Variants in ADCY1 observed in about 807,000 individuals in gnomAD.
The protein encoded by ADCY1 is adenylate cyclase 1.
A neutral mutation model predicts 105.4 loss-of-function variants in ADCY1; 28 were observed. That is an observed-to-expected ratio of 0.27 (90% CI 0.20 to 0.36). The LOEUF is 0.36. Ranked by LOEUF, ADCY1 falls within the 10% of genes least tolerant of loss-of-function variation. ADCY1 has a pLI of 1.00. For missense variants in ADCY1, 977 were observed against 1,434.2 expected (o/e 0.68, Z 5.15); for synonymous variants, 655 against 623.8 (o/e 1.05, Z -0.75).
At chr7:45,621,406 CA>C (rs1331698018) in intron 3 of ADCY1, among the ~76,000 whole-genome samples, 13 of 152,136 alleles carry the variant, frequency 8.5e-5, no homozygotes, top group Non-Finnish European at 1.5e-4. Flanking sequence ...GCACCTAGAG[CA>C]ATGCCAGCAC....
In ADCY1 at chr7:45,647,102, G is replaced by A. The variant is rs576051116; in HGVS notation, c.1021-1568G>A. 2.0e-5 allele frequency among the ~76,000 whole-genome samples: 3 copies of A among 152,340 alleles called. No homozygotes were observed. The highest frequency in any genetic ancestry group is 4.8e-5 in the African/African-American group (2 of 41,572). On this transcript the variant is annotated intron_variant, in intron 4 of 19. Coordinates refer to ENST00000297323, the MANE Select transcript of ADCY1 (RefSeq NM_021116.4). This position sits in a 1 kb window ranked among gnomAD's most constrained non-coding sequence, Gnocchi z 4.6. ...AGCGCCCCCTCCTCTGATGCTGGGC[G>A]GTGGCCAGGGCCATCTCTCAAGGTC...
Position 45,578,932 on chromosome 7 carries a change from T to G in ADCY1, c.639+3750T>G, listed in dbSNP as rs547084374. ...ATTGCAGTGTGCAAATTATATGCTTTCAATTTCGTTGCTTATCAATGTAAA... is the reference window on the plus strand; with the variant it reads ...ATTGCAGTGTGCAAATTATATGCTTGCAATTTCGTTGCTTATCAATGTAAA... On this transcript the variant is annotated intron_variant, in intron 1 of 19. Coordinates refer to ENST00000297323, the MANE Select transcript of ADCY1 (RefSeq NM_021116.4). Among the ~76,000 whole-genome samples the G allele has an allele frequency of 1.1e-4, 17 of 152,356 alleles. No individual in the cohort carries two copies. In the East Asian group the frequency reaches 1.9e-3, roughly 17 times the overall value.
intron 3 of ADCY1, among the ~76,000 whole-genome samples, chr7:45,611,775 A>G (rs1375652555): frequency 6.6e-6 from 1 of 152,136 alleles, no homozygotes; most frequent in Non-Finnish European, 1.5e-5. Flanking sequence ...AATGCTTTAC[A>G]TAAATATCAC....
chr7:45,588,004 T>C (rs1792782577), intron 1 of ADCY1, among the ~76,000 whole-genome samples: 1 of 152,254 alleles, frequency 6.6e-6, no homozygotes, highest in South Asian at 2.1e-4. Context: ...GTTTACCTTC[T>C]TGAAGGCGGA....
chr7:45,618,049 A>G (rs1793787859), intron 3 of ADCY1, among the ~76,000 whole-genome samples: 1 of 152,262 alleles, frequency 6.6e-6, no homozygotes, highest in Admixed American at 6.5e-5. Flanking sequence ...CCAATAGAAC[A>G]GAATAGAGAA....
intron 2 of ADCY1, among the ~76,000 whole-genome samples, chr7:45,605,171 A>G (rs924291963): frequency 6.6e-6 from 1 of 152,168 alleles, no homozygotes; most frequent in Non-Finnish European, 1.5e-5. Flanking sequence ...TTGATCTTGT[A>G]TCCTGTGACC....
chr7:45,580,863 C>T (rs750159088), intron 1 of ADCY1, among the ~76,000 whole-genome samples: 1 of 152,136 alleles, frequency 6.6e-6, no homozygotes, highest in Non-Finnish European at 1.5e-5. Context: ...GTCCGCTTGC[C>T]ACTGTCACCA....
chr7:45,705,891 T>C (rs1408282416), intron 17 of ADCY1, among the ~76,000 whole-genome samples: 1 of 152,202 alleles, frequency 6.6e-6, no homozygotes, highest in East Asian at 1.9e-4. Context: ...TAAAAGCTCA[T>C]CATTTTTCTG....
At chr7:45,699,478 AG>A (rs1264059841) in intron 14 of ADCY1, among the ~76,000 whole-genome samples, 2 of 152,160 alleles carry the variant, frequency 1.3e-5, no homozygotes, top group Non-Finnish European at 2.9e-5. Flanking sequence ...TTTAGGGGTA[AG>A]ATTACCTCTA....
chr7:45,664,267 A>T, intron 8 of ADCY1: 1 of 1,535,134 alleles, frequency 6.5e-7, no homozygotes, highest in Middle Eastern at 1.7e-4. Flanking sequence ...CGGACCCCAC[A>T]CATCTGATGC....
At chr7:45,653,633 C>T (rs1794867114) in intron 5 of ADCY1, among the ~76,000 whole-genome samples, 1 of 152,204 alleles carries the variant, frequency 6.6e-6, no homozygotes, top group Non-Finnish European at 1.5e-5. Context: ...TCAGATGAGG[C>T]CTGAACCCCT....
At position 45,669,055 on chromosome 7, in the gene ADCY1, A is replaced by G. The variant is rs547864948; in HGVS notation, c.1605+6841A>G. Among the ~76,000 whole-genome samples the G allele has an allele frequency of 2.6e-5, 4 of 151,960 alleles. No homozygotes were observed. The South Asian group carries it at 8.4e-4, about 32-fold the overall frequency. ...TATTAGTCTTGCTAGCGGTCTATCAATTTTGTTGATCTTTTCAAAAAAACA... is the reference window on the plus strand; with the variant it reads ...TATTAGTCTTGCTAGCGGTCTATCAGTTTTGTTGATCTTTTCAAAAAAACA... On this transcript the variant is annotated intron_variant, in intron 8 of 19. Coordinates refer to ENST00000297323, the MANE Select transcript of ADCY1 (RefSeq NM_021116.4).
intron 4 of ADCY1, among the ~76,000 whole-genome samples, chr7:45,624,365 G>T (rs755793090): frequency 1.3e-5 from 2 of 151,196 alleles, no homozygotes; most frequent in Non-Finnish European, 2.9e-5. Context: ...AGGAGGGTGG[G>T]CATGGGGGAT....
rs1006499695 is a variant in ADCY1, at chr7:45,719,697, A to G, written c.*5702A>G. 1.3e-5 allele frequency: 2 copies of G among 152,262 alleles called. No individual in the cohort carries two copies. Among genetic ancestry groups the G allele is most frequent in the Non-Finnish European group, 2.9e-5 (2 of 68,052 alleles). The allele number at this position is 152,262 out of a possible 1,614,324, so 9.4% of individuals were successfully genotyped here. On this transcript the variant is annotated 3_prime_UTR_variant, in exon 20 of 20. Coordinates refer to ENST00000297323, the MANE Select transcript of ADCY1 (RefSeq NM_021116.4). ...CATGCACATCTGTGTGTTGCATAGC[A>G]TAAGCCAAATGAAAATCATTTGTTC...
intron 2 of ADCY1, among the ~76,000 whole-genome samples, chr7:45,602,246 G>A (rs926450669): frequency 6.6e-6 from 1 of 151,750 alleles, no homozygotes; most frequent in African/African-American, 2.4e-5. Flanking sequence ...AAGACCACTT[G>A]GGGGCTTCAG....
intron 8 of ADCY1, chr7:45,664,670 G>A: frequency 5.6e-6 from 2 of 355,348 alleles, no homozygotes; most frequent in Non-Finnish European, 9.3e-6. Flanking sequence ...TGACTGGATG[G>A]TACACAGGCA....
chr7:45,584,295 G>T (rs182794696), intron 1 of ADCY1, among the ~76,000 whole-genome samples: 1 of 152,144 alleles, frequency 6.6e-6, no homozygotes, highest in African/African-American at 2.4e-5. Context: ...GTCCTGCTGC[G>T]TGTGGCACAC....
At position 45,678,023 on chromosome 7, in the gene ADCY1, T is replaced by G. The variant is rs1161983560; in HGVS notation, c.1760T>G (p.Phe587Cys). 4 of 1,614,030 alleles carry G rather than the reference T, an allele frequency of 2.5e-6. No homozygotes were observed. In the African/African-American group the frequency reaches 5.3e-5, roughly 22 times the overall value. Residue 587 changes from phenylalanine (F) to cysteine (C), a missense_variant, in exon 9 of 20, where the codon TTC becomes TGC. Physicochemically the swap from Phe to Cys is radical, Grantham distance 205. Coordinates refer to ENST00000297323, the MANE Select transcript of ADCY1 (RefSeq NM_021116.4). ...QTELEMADLN[F>C]FTLKYKHVER... Reference sequence around the variant, plus strand: ...GAGCTGGAGATGGCAGACCTGAACTTCTTTACCCTGAAGTACAAACATGTC... The same window carrying G: ...GAGCTGGAGATGGCAGACCTGAACTGCTTTACCCTGAAGTACAAACATGTC...
chr7:45,652,852 A>G (rs546218547), intron 5 of ADCY1, among the ~76,000 whole-genome samples: 4 of 152,260 alleles, frequency 2.6e-5, no homozygotes, highest in South Asian at 4.1e-4. Flanking sequence ...AAGCTTAGCC[A>G]TCCTGGCCCT....
Sources: gnomAD v4.1 joint callset for allele counts (sites outside exome capture counted in the v4.1 genomes callset) on GRCh38, gnomAD v4.1.1 for gene constraint, Gnocchi (gnomAD v3.1) non-coding constraint, MANE v1.5 for transcripts, NCBI Gene and HGNC (gene_info 2026-07-23, HGNC 2026-07-21) for gene names.